The following DNAH14 variants were observed in gnomAD, a reference collection of about 807,000 sequenced individuals.
DNAH14 encodes the protein dynein axonemal heavy chain 14.
A neutral mutation model predicts 520.9 loss-of-function variants in DNAH14; 478 were observed. The observed-to-expected ratio is 0.92, with a 90% CI of 0.85 to 0.99. The LOEUF is 0.99. Among genes scored for constraint, DNAH14 ranks in the 50% least tolerant of loss-of-function variants. The pLI is 0.00. For missense variants in DNAH14, 4,831 were observed against 5,234.5 expected (o/e 0.92, Z 2.38); for synonymous variants, 1,581 against 1,757.2 (o/e 0.90, Z 2.51).
intron 10 of DNAH14, among the ~76,000 whole-genome samples, chr1:225,019,533 C>G (rs2147991664): frequency 6.6e-6 from 1 of 152,226 alleles, no homozygotes; most frequent in African/African-American, 2.4e-5. Flanking sequence ...AACTACAAAA[C>G]TATTCAGGAC....
intron 10 of DNAH14, among the ~76,000 whole-genome samples, chr1:225,013,958 G>A (rs1381793798): frequency 6.6e-6 from 1 of 152,138 alleles, no homozygotes; most frequent in Admixed American, 6.5e-5. Context: ...TTCTAGGGGA[G>A]TGAATGGTTC....
chr1:225,218,704 A>G (rs896858210), intron 41 of DNAH14, among the ~76,000 whole-genome samples: 17 of 152,186 alleles, frequency 1.1e-4, no homozygotes, highest in African/African-American at 4.1e-4. Context: ...ACTCCCACAC[A>G]ATAATAATGG....
chr1:225,025,211 GCA>G (rs551877127), intron 11 of DNAH14, among the ~76,000 whole-genome samples: 1 of 151,926 alleles, frequency 6.6e-6, no homozygotes, highest in Non-Finnish European at 1.5e-5. Context: ...GATGGCACTG[GCA>G]CACACCTACT....
At chr1:225,331,062 C>T (rs2094786276) in intron 64 of DNAH14, among the ~76,000 whole-genome samples, 2 of 152,042 alleles carry the variant, frequency 1.3e-5, no homozygotes, top group African/African-American at 4.8e-5. Context: ...AAAATTCATT[C>T]GGTCCTCTGG....
intron 10 of DNAH14, among the ~76,000 whole-genome samples, chr1:225,018,037 A>G (rs2065355393): frequency 6.6e-6 from 1 of 152,210 alleles, no homozygotes; most frequent in African/African-American, 2.4e-5. Flanking sequence ...TAATCACACT[A>G]GCTCTCCAGG....
At chr1:225,123,308 A>T (rs751935143) in intron 26 of DNAH14, among the ~76,000 whole-genome samples, 1 of 152,152 alleles carries the variant, frequency 6.6e-6, no homozygotes, top group Non-Finnish European at 1.5e-5. Context: ...CAATGGCCTT[A>T]TTAGAAAAGT....
chr1:225,154,260 A>G (rs896714751), intron 34 of DNAH14, among the ~76,000 whole-genome samples: 1 of 152,094 alleles, frequency 6.6e-6, no homozygotes, highest in African/African-American at 2.4e-5. Flanking sequence ...TAAAGGACTT[A>G]ACATCATAAT....
chr1:224,970,497 C>CT (rs1211536475), intron 7 of DNAH14, among the ~76,000 whole-genome samples: 1 of 152,126 alleles, frequency 6.6e-6, no homozygotes, highest in Non-Finnish European at 1.5e-5. Flanking sequence ...ACTCCCTCCC[C>CT]TTTTGAAAAT....
chr1:225,140,033 A>G (rs1028189347), intron 27 of DNAH14, among the ~76,000 whole-genome samples: 1 of 152,240 alleles, frequency 6.6e-6, no homozygotes, highest in Admixed American at 6.5e-5. Context: ...CGATCTGGAA[A>G]AATCTCACTC....
chr1:225,080,606 G>C lies in DNAH14; in HGVS notation c.2994G>C (p.Leu998Phe). The C allele has an allele frequency of 6.4e-7, 1 of 1,552,170 alleles. No individual in the cohort carries two copies. Among genetic ancestry groups the C allele is most frequent in the Non-Finnish European group, 8.7e-7 (1 of 1,147,092 alleles). Residue 998 changes from leucine (L) to phenylalanine (F), a missense_variant, in exon 19 of 86, where the codon TTG becomes TTC. By Grantham distance (22) the Leu-to-Phe change is conservative (BLOSUM62 0). Coordinates refer to ENST00000682510, the MANE Select transcript of DNAH14 (RefSeq NM_001367479.1). ...EISDIEGDLT[L>F]RKKLWEAQEE... is the part of the protein sequence containing the mutation. ...CTGACATTGAAGGTGACTTGACTTT[G>C]AGGAAAAAACTATGGGAAGCACAAG...
intron 54 of DNAH14, among the ~76,000 whole-genome samples, chr1:225,278,442 A>G (rs653812): frequency 0.47 from 71,307 of 151,976 alleles, 18,140 homozygotes; most frequent in East Asian, 0.67. Context: ...TATTTAAGCC[A>G]CTGTTATCAT....
chr1:225,121,156 A>G (rs578242190), intron 26 of DNAH14, among the ~76,000 whole-genome samples: 5 of 152,200 alleles, frequency 3.3e-5, no homozygotes, highest in Non-Finnish European at 7.3e-5. Context: ...AATTGTATCT[A>G]TTATGGCATA....
intron 5 of DNAH14, among the ~76,000 whole-genome samples, chr1:224,965,674 A>T (rs1189361798): frequency 6.6e-6 from 1 of 152,146 alleles, no homozygotes. Flanking sequence ...ATCAAATCAG[A>T]TTCACCTGGT....
rs113003728 is a variant in DNAH14 at position 225,140,109 on chromosome 1, A to G, written c.4255-659A>G. 2.7e-3 allele frequency among the ~76,000 whole-genome samples: 417 copies of G among 152,310 alleles called. 3 individuals are homozygous for G. Among genetic ancestry groups the G allele is most frequent in the African/African-American group, 9.4e-3 (391 of 41,572 alleles). ...TTGATAGCTCTTATGTTTCTTGAGCACTTCAAATTTAATATATCCCTGAAT... is the reference window on the plus strand; with the variant it reads ...TTGATAGCTCTTATGTTTCTTGAGCGCTTCAAATTTAATATATCCCTGAAT... On this transcript the variant is annotated intron_variant, in intron 27 of 85. Coordinates refer to ENST00000682510, the MANE Select transcript of DNAH14 (RefSeq NM_001367479.1).
chr1:225,272,763 C>A (rs1309892479), intron 51 of DNAH14, among the ~76,000 whole-genome samples, 192 bp from the exon 52 acceptor site: 2 of 152,094 alleles, frequency 1.3e-5, no homozygotes, highest in African/African-American at 4.8e-5. Flanking sequence ...TGATTCCATA[C>A]CAATTTTCCC....
At chr1:225,291,016 A>T (rs2093876669) in intron 55 of DNAH14, among the ~76,000 whole-genome samples, 1 of 151,576 alleles carries the variant, frequency 6.6e-6, no homozygotes, top group Admixed American at 6.6e-5. Context: ...ATCCCTCCCT[A>T]TCCTTCTCTC....
chr1:224,932,316 C>A (rs1657305142), intron 1 of DNAH14, among the ~76,000 whole-genome samples: 1 of 151,752 alleles, frequency 6.6e-6, no homozygotes, highest in African/African-American at 2.4e-5. Flanking sequence ...TGTGCTTTTC[C>A]TGTTGAGTTG....
chr1:224,980,550 G>A (rs1346902542), intron 8 of DNAH14, among the ~76,000 whole-genome samples: 2 of 152,198 alleles, frequency 1.3e-5, no homozygotes, highest in Non-Finnish European at 2.9e-5. Flanking sequence ...CAGGGCCTGG[G>A]GGATCTCACT....
chr1:225,012,912 G>T (rs939824472), intron 10 of DNAH14, among the ~76,000 whole-genome samples: 2 of 152,234 alleles, frequency 1.3e-5, no homozygotes, highest in Admixed American at 1.3e-4. Flanking sequence ...AGAACATGCT[G>T]CTTTAGCTTG....
Sources: allele counts gnomAD v4.1 joint callset (sites outside exome capture counted in the v4.1 genomes callset), GRCh38; gene constraint gnomAD v4.1.1; transcripts MANE v1.5; gene names NCBI Gene and HGNC (gene_info 2026-07-23, HGNC 2026-07-21).